Variants in ELOVL7 observed in about 807,000 individuals in gnomAD.
ELOVL7 encodes the protein very long chain fatty acid elongase 7.
ELOVL7 carries 27 observed loss-of-function variants against 35.7 expected under a neutral mutation model. That is an observed-to-expected ratio of 0.76 (90% CI 0.56 to 1.04). The LOEUF is 1.04. Among genes scored for constraint, ELOVL7 ranks in the 50% least tolerant of loss-of-function variants. The pLI is 0.00. For missense variants in ELOVL7, 327 were observed against 340.8 expected, an observed-to-expected ratio of 0.96 and a Z score of 0.32; for synonymous variants, 113 against 114.6, an observed-to-expected ratio of 0.99 and a Z score of 0.09.
intron 1 of ELOVL7, among the ~76,000 whole-genome samples, chr5:60,839,356 G>T (rs1747025745): frequency 6.6e-6 from 1 of 151,964 alleles, no homozygotes; most frequent in South Asian, 2.1e-4. Context: ...AAAAAGAAAG[G>T]AAAAGAAATT....
intron 1 of ELOVL7, among the ~76,000 whole-genome samples, chr5:60,800,877 G>C (rs1744568233): frequency 6.6e-6 from 1 of 152,124 alleles, no homozygotes; most frequent in African/African-American, 2.4e-5. Context: ...AGTTATGGAA[G>C]GTCAACTGTA....
Position 60,787,402 on chromosome 5 carries a change from C to T in ELOVL7, c.-5G>A. 6.3e-7 allele frequency: 1 copy of T among 1,595,280 alleles called. No homozygotes were observed. Among genetic ancestry groups the T allele is most frequent in the Non-Finnish European group, 8.5e-7 (1 of 1,172,816 alleles). Reference sequence around the variant, plus strand: ...TGTAAGATCACTGAAGGCCATTTTCCACAGGATTTACTGGCTCTTTTAATG... The same window carrying T: ...TGTAAGATCACTGAAGGCCATTTTCTACAGGATTTACTGGCTCTTTTAATG... On this transcript the variant is annotated 5_prime_UTR_variant, in exon 3 of 9. Transcript: ENST00000508821.
At chr5:60,772,977 A>C (rs534760746) in intron 3 of ELOVL7, among the ~76,000 whole-genome samples, 1 of 152,328 alleles carries the variant, frequency 6.6e-6, no homozygotes, top group East Asian at 1.9e-4. Flanking sequence ...AAGTAGCTAA[A>C]GTATGGGATT....
At chr5:60,804,349 TA>T (rs1426734367) in intron 1 of ELOVL7, among the ~76,000 whole-genome samples, 1 of 152,092 alleles carries the variant, frequency 6.6e-6, no homozygotes. Context: ...AGGGCAAACT[TA>T]GAAAAGAGTC....
At chr5:60,759,321 T>C (rs1282452409) in intron 7 of ELOVL7, among the ~76,000 whole-genome samples, 1 of 152,206 alleles carries the variant, frequency 6.6e-6, no homozygotes, top group Non-Finnish European at 1.5e-5. Flanking sequence ...GCTTGTATTA[T>C]TTATATTTGG....
chr5:60,833,595 C>G (rs1004852760), intron 1 of ELOVL7, among the ~76,000 whole-genome samples: 1 of 152,172 alleles, frequency 6.6e-6, no homozygotes, highest in African/African-American at 2.4e-5. Context: ...ATTAAACCTA[C>G]ATTAGAAATT....
In ELOVL7 at chr5:60,771,926, A is replaced by G. The variant is rs372933045; in HGVS notation, c.232T>C (p.Phe78Leu). The G allele has an allele frequency of 1.1e-4, 172 of 1,612,558 alleles. No individual in the cohort carries two copies. The highest frequency in any genetic ancestry group is 1.4e-4 in the Non-Finnish European group (163 of 1,179,344). The change falls in exon 4 of 9, where the codon TTT (phenylalanine) becomes CTT (leucine). Residue 78 changes from phenylalanine (F) to leucine (L), a missense_variant. Phe to Leu is a conservative substitution (Grantham distance 22). Coordinates refer to ENST00000508821, the MANE Select transcript of ELOVL7 (RefSeq NM_024930.3). The stretch of plus-strand genomic sequence containing the variant: ...GCCTCATAACACATATACACAGAAA[A>G]GAGTACTATGAAAAAATTGTACGTT... The part of the protein sequence containing the change: ...MITYNFFIVL[F>L]SVYMCYEFVM...
intron 3 of ELOVL7, chr5:60,784,193 G>C: frequency 7.0e-7 from 1 of 1,422,268 alleles, no homozygotes; most frequent in Non-Finnish European, 9.5e-7. Context: ...AAGATTCCAA[G>C]TACTAATGAA....
chr5:60,783,760 T>C (rs548437465), intron 3 of ELOVL7, among the ~76,000 whole-genome samples: 3 of 152,310 alleles, frequency 2.0e-5, no homozygotes, highest in African/African-American at 4.8e-5. Flanking sequence ...AGAACTACTA[T>C]AAACCTTCAT....
chr5:60,790,444 T>G (rs1743868229), intron 2 of ELOVL7, among the ~76,000 whole-genome samples: 1 of 152,204 alleles, frequency 6.6e-6, no homozygotes, highest in East Asian at 1.9e-4. Flanking sequence ...AATACACATA[T>G]GCAGATACAC....
intron 1 of ELOVL7, among the ~76,000 whole-genome samples, chr5:60,818,576 G>A (rs545154194): frequency 1.7e-4 from 26 of 152,262 alleles, no homozygotes; most frequent in African/African-American, 6.0e-4. Context: ...AAACTAAACA[G>A]TAATTATAAT....
At chr5:60,802,342 T>A (rs545894497) in intron 1 of ELOVL7, among the ~76,000 whole-genome samples, 1 of 152,020 alleles carries the variant, frequency 6.6e-6, no homozygotes, top group South Asian at 2.1e-4. Context: ...TTGGGAAAAT[T>A]CTGATGGGCC....
chr5:60,787,474 G>T, intron 2 of ELOVL7, 43 bp from the exon 3 acceptor site: 2 of 1,129,358 alleles, frequency 1.8e-6, no homozygotes, highest in South Asian at 1.5e-5. Context: ...ATCTATAAAT[G>T]CAAATAAAGT....
At position 60,757,541 on chromosome 5, in the gene ELOVL7, A is replaced by G. The variant is rs1410000088; in HGVS notation, c.604T>C (p.Trp202Arg). The G allele has an allele frequency of 6.2e-7, 1 of 1,613,538 alleles. No homozygotes were observed. The highest frequency in any genetic ancestry group is 2.2e-5 in the East Asian group (1 of 44,854). The part of the protein sequence containing the change: ...ALGPAYQKYL[W>R]WKKYLTSLQL... ...AATGATGTCAAATATTTTTTCCACCACAAATACTTCTGGTAGGCTGGCCCC... is the reference window on the plus strand; with the variant it reads ...AATGATGTCAAATATTTTTTCCACCGCAAATACTTCTGGTAGGCTGGCCCC... The change falls in exon 8 of 9, where the codon TGG becomes CGG. Residue 202 changes from tryptophan to arginine, a missense_variant. Physicochemically the swap from Trp to Arg is moderately radical, Grantham distance 101 (BLOSUM62 -3). Coordinates refer to ENST00000508821, the MANE Select transcript of ELOVL7 (RefSeq NM_024930.3).
intron 1 of ELOVL7, among the ~76,000 whole-genome samples, chr5:60,822,622 G>C (rs1409936236): frequency 6.6e-6 from 1 of 152,160 alleles, no homozygotes; most frequent in Non-Finnish European, 1.5e-5. Flanking sequence ...TAAGGATACA[G>C]CTTTTGGAAC....
intron 1 of ELOVL7, among the ~76,000 whole-genome samples, chr5:60,821,377 T>G (rs759662882): frequency 2.0e-5 from 3 of 152,170 alleles, no homozygotes; most frequent in Non-Finnish European, 4.4e-5. Context: ...CCCACGTGAC[T>G]CTCTAGCTTC....
intron 3 of ELOVL7, among the ~76,000 whole-genome samples, chr5:60,779,022 C>T (rs555411018): frequency 6.6e-6 from 1 of 152,310 alleles, no homozygotes; most frequent in East Asian, 1.9e-4. Flanking sequence ...CATTAAATCT[C>T]AATGCTCCAC....
chr5:60,757,770 C>A, intron 7 of ELOVL7, 125 bp from the exon 8 acceptor site: 1 of 757,102 alleles, frequency 1.3e-6, no homozygotes, highest in Non-Finnish European at 2.0e-6. Context: ...AAATATCAAT[C>A]CTGTTAAACA....
Position 60,787,251 on chromosome 5 carries a change from C to T in ELOVL7, c.64+83G>A, listed in dbSNP as rs1579838233. On this transcript the variant is annotated intron_variant, in intron 3 of 8. Coordinates refer to ENST00000508821, the MANE Select transcript of ELOVL7 (RefSeq NM_024930.3). ...CTGTTAAGTTGCAAAGTCTCTCATT[C>T]TGTTCCAGTGAAATCCTATTAAATA... is the stretch of plus-strand genomic sequence containing the variant. The T allele has an allele frequency of 2.5e-6, 3 of 1,192,942 alleles. No individual in the cohort carries two copies. In the East Asian group the frequency reaches 7.4e-5, roughly 29 times the overall value. The allele number at this position is 1,192,942 out of a possible 1,614,324, so 73.9% of individuals were successfully genotyped here.
Sources: gnomAD v4.1 joint callset for allele counts (sites outside exome capture counted in the v4.1 genomes callset) on GRCh38, gnomAD v4.1.1 for gene constraint, MANE v1.5 for transcripts, NCBI Gene and HGNC (gene_info 2026-07-23, HGNC 2026-07-21) for gene names.